Variants in KCNQ3 observed in about 807,000 individuals in gnomAD.
KCNQ3 encodes the protein potassium voltage-gated channel subfamily Q member 3, also known as potassium voltage-gated channel subfamily KQT member 3.
A neutral mutation model predicts 92.5 loss-of-function variants in KCNQ3; 30 were observed. That is an observed-to-expected ratio of 0.32 (90% CI 0.24 to 0.44). The LOEUF is 0.44. Among genes scored for constraint, KCNQ3 ranks in the 20% least tolerant of loss-of-function variants. KCNQ3 has a pLI of 1.00. For missense variants in KCNQ3, 913 were observed against 1,140.3 expected (o/e 0.80, Z 2.87); for synonymous variants, 450 against 468.8 (o/e 0.96, Z 0.52).
intron 1 of KCNQ3, among the ~76,000 whole-genome samples, chr8:132,451,911 G>A (rs577311151): frequency 1.6e-4 from 24 of 152,150 alleles, no homozygotes; most frequent in Non-Finnish European, 2.2e-4. Flanking sequence ...AACTGGGACA[G>A]GTCAAGAGAA....
chr8:132,423,017 G>A (rs1188327836), intron 1 of KCNQ3, among the ~76,000 whole-genome samples: 1 of 152,140 alleles, frequency 6.6e-6, no homozygotes, highest in African/African-American at 2.4e-5. Context: ...GCTAGACTGG[G>A]AGCCCCTTCC....
In KCNQ3 at chr8:132,480,874, G is replaced by GGGC. The variant is rs963622181; in HGVS notation, c.-345_-343dup. On this transcript the variant is annotated 5_prime_UTR_variant, in exon 1 of 15. Coordinates refer to ENST00000388996, the MANE Select transcript of KCNQ3 (RefSeq NM_004519.4). ...GCGGGAGCCTGGAACCGGCGCTCCG[G>GGGC]GGCGGCGGCGGCGGCGGCGGCACCC... 4.1e-4 allele frequency: 63 copies of GGGC among 154,892 alleles called. No individual in the cohort carries two copies. The highest frequency in any genetic ancestry group is 1.1e-3 in the East Asian group (6 of 5,236). The allele number at this position is 154,892 out of a possible 1,614,324, so 9.6% of individuals were successfully genotyped here. A position where few individuals can be genotyped will look rare whatever the true frequency, so the allele number is the denominator to read the frequency against.
At chr8:132,433,630 C>T (rs1235477637) in intron 1 of KCNQ3, among the ~76,000 whole-genome samples, 1 of 152,148 alleles carries the variant, frequency 6.6e-6, no homozygotes, top group Non-Finnish European at 1.5e-5. Context: ...TGGCTCACAC[C>T]TGTAATCCCA....
At chr8:132,130,740 G>T (rs986298088) in intron 14 of KCNQ3, among the ~76,000 whole-genome samples, 1 of 152,186 alleles carries the variant, frequency 6.6e-6, no homozygotes, top group African/African-American at 2.4e-5. Flanking sequence ...AAAAATACAA[G>T]GGCAGTGGTT....
At chr8:132,258,416 C>T (rs1372313241) in intron 1 of KCNQ3, among the ~76,000 whole-genome samples, 6 of 151,450 alleles carry the variant, frequency 4.0e-5, no homozygotes, top group East Asian at 1.9e-4. Context: ...ATCAAGGGGT[C>T]GGAAATAAAA....
At chr8:132,214,152 G>A (rs1813951325) in intron 1 of KCNQ3, among the ~76,000 whole-genome samples, 1 of 152,158 alleles carries the variant, frequency 6.6e-6, no homozygotes, top group Admixed American at 6.5e-5. Flanking sequence ...CGGTGCTGTA[G>A]GACAAGAAAC....
chr8:132,314,576 A>G (rs1017934036), intron 1 of KCNQ3, among the ~76,000 whole-genome samples: 1 of 152,230 alleles, frequency 6.6e-6, no homozygotes, highest in Non-Finnish European at 1.5e-5. Context: ...AACAAAAACA[A>G]TAAGGTCAAA....
At chr8:132,373,594 G>A (rs976126504) in intron 1 of KCNQ3, among the ~76,000 whole-genome samples, 1 of 152,192 alleles carries the variant, frequency 6.6e-6, no homozygotes, top group East Asian at 1.9e-4. Flanking sequence ...CAATGCCCCA[G>A]GTCACCTAGC....
intron 1 of KCNQ3, among the ~76,000 whole-genome samples, chr8:132,210,905 A>G (rs1465678884): frequency 6.6e-6 from 1 of 152,220 alleles, no homozygotes; most frequent in Non-Finnish European, 1.5e-5. Context: ...ATTCAACAAG[A>G]CAGTTTATTA....
intron 1 of KCNQ3, among the ~76,000 whole-genome samples, chr8:132,250,208 C>T (rs1015128010): frequency 1.3e-5 from 2 of 152,200 alleles, no homozygotes; most frequent in African/African-American, 4.8e-5. Flanking sequence ...GTTGTCACCT[C>T]TCACTGGTAG....
chr8:132,449,131 C>T (rs1359092654), intron 1 of KCNQ3, among the ~76,000 whole-genome samples: 1 of 152,176 alleles, frequency 6.6e-6, no homozygotes, highest in East Asian at 1.9e-4. Flanking sequence ...TGTAGCCATT[C>T]AGTGGGTTAG....
At chr8:132,184,132 C>G (rs980629618) in intron 3 of KCNQ3, 109 bp downstream of exon 3, 1 of 1,418,856 alleles carries the variant, frequency 7.0e-7, no homozygotes, top group Non-Finnish European at 9.9e-7. Context: ...GAGCTGGCCT[C>G]CACAGTGCCG....
At chr8:132,293,292 T>C (rs992187085) in intron 1 of KCNQ3, among the ~76,000 whole-genome samples, 11 of 152,202 alleles carry the variant, frequency 7.2e-5, no homozygotes, top group Non-Finnish European at 1.5e-4. Flanking sequence ...TCAGAAGTTC[T>C]AGAGGTCTGA....
At chr8:132,433,951 G>A (rs980646431) in intron 1 of KCNQ3, among the ~76,000 whole-genome samples, 2 of 151,988 alleles carry the variant, frequency 1.3e-5, no homozygotes, top group African/African-American at 4.8e-5. Context: ...GCTCATGCCT[G>A]TAATCCCAGC....
At chr8:132,172,397 T>TACACACACACACACACAC in intron 7 of KCNQ3, among the ~76,000 whole-genome samples, 1 of 140,486 alleles carries the variant, frequency 7.1e-6, no homozygotes, top group South Asian at 2.4e-4. Context: ...GGCACATTAA[T>TACACACACACACACACAC]ACACACACAC....
chr8:132,193,879 G>A (rs1276972147), intron 1 of KCNQ3, among the ~76,000 whole-genome samples: 1 of 152,196 alleles, frequency 6.6e-6, no homozygotes, highest in Non-Finnish European at 1.5e-5. Context: ...ATGAGGTGTG[G>A]TCAGAGCCAG....
intron 8 of KCNQ3, among the ~76,000 whole-genome samples, chr8:132,167,215 C>G (rs980884881): frequency 6.6e-6 from 1 of 152,054 alleles, no homozygotes; most frequent in Non-Finnish European, 1.5e-5. Flanking sequence ...TACTATGAAA[C>G]GTTCAGGATA....
chr8:132,439,661 T>A (rs992175897), intron 1 of KCNQ3, among the ~76,000 whole-genome samples: 1 of 151,912 alleles, frequency 6.6e-6, no homozygotes, highest in Non-Finnish European at 1.5e-5. Flanking sequence ...GAGAGAGAGA[T>A]TGTGCTGCTG....
intron 1 of KCNQ3, among the ~76,000 whole-genome samples, chr8:132,278,524 G>T (rs186573010): frequency 2.6e-5 from 4 of 152,318 alleles, no homozygotes; most frequent in African/African-American, 7.2e-5. Context: ...GGACCCTTGA[G>T]TCAGACCTTC....
Sources: allele counts gnomAD v4.1 joint callset (sites outside exome capture counted in the v4.1 genomes callset), GRCh38; gene constraint gnomAD v4.1.1; transcripts MANE v1.5; gene names NCBI Gene and HGNC (gene_info 2026-07-23, HGNC 2026-07-21).